Variants in HEATR5B observed in about 807,000 individuals in gnomAD.
HEATR5B encodes HEAT repeat containing 5B.
Under a neutral mutation model 224.1 loss-of-function variants are expected in HEATR5B, and 156 were observed. That is an observed-to-expected ratio of 0.70 (90% CI 0.61 to 0.80). The LOEUF is 0.80. HEATR5B is among the 30% of genes least tolerant of loss of function. HEATR5B has a pLI of 0.00. For missense variants in HEATR5B, 2,323 were observed against 2,535.5 expected (o/e 0.92, Z 1.80); for synonymous variants, 1,027 against 893.0 (o/e 1.15, Z -2.68).
Position 37,064,907 on chromosome 2 carries a change from C to A in HEATR5B, c.1417G>T (p.Ala473Ser). ...LAAAWCLRCV[A>S]VALPFQLTPF... The stretch of plus-strand genomic sequence containing the variant: ...GTCAGCTGGAAAGGTAATGCCACAG[C>A]CACACAGCGCAAACACCATGCAGCA... The change falls in exon 10 of 36, where the codon GCT (alanine) becomes TCT (serine). Residue 473 changes from alanine (A) to serine (S), a missense_variant. Ala to Ser is a moderately conservative substitution (Grantham distance 99, BLOSUM62 1). Around this residue, in one of 12 missense-constraint regions of HEATR5B, gnomAD observed 502 missense variants for 517.8 expected, o/e 0.97. Transcript: ENST00000233099. 6.2e-7 allele frequency: 1 copy of A among 1,614,130 alleles called. No homozygotes were observed. The highest frequency in any genetic ancestry group is 8.5e-7 in the Non-Finnish European group (1 of 1,180,010).
At chr2:37,059,458 ATATATATT>A (rs1558358752) in intron 12 of HEATR5B, among the ~76,000 whole-genome samples, 63 of 106,742 alleles carry the variant, frequency 5.9e-4, no homozygotes, top group African/African-American at 2.2e-3. Flanking sequence ...ATATATATAT[ATATATATT>A]TTTTTTTTTT....
chr2:37,078,091 C>T (rs1329026787), intron 3 of HEATR5B, among the ~76,000 whole-genome samples: 1 of 152,218 alleles, frequency 6.6e-6, no homozygotes, highest in Admixed American at 6.5e-5. Flanking sequence ...CTAGAACCTA[C>T]CATCTAATAG....
chr2:37,053,666 A>G (rs1434824815), intron 16 of HEATR5B, 59 bp from the exon 17 acceptor site: 1 of 980,246 alleles, frequency 1.0e-6, no homozygotes, highest in African/African-American at 1.6e-5. Flanking sequence ...ATATGGCTCA[A>G]AAACGGATAA....
In HEATR5B at chr2:37,077,035, A is replaced by G. The variant is rs767397771; in HGVS notation, c.339-16T>C. 19 of 1,550,850 alleles carry G rather than the reference A, an allele frequency of 1.2e-5. No individual in the cohort carries two copies. The highest frequency in any genetic ancestry group is 1.3e-5 in the Non-Finnish European group (15 of 1,124,202). On this transcript the variant is annotated splice_polypyrimidine_tract_variant and intron_variant, in intron 3 of 35. Transcript: ENST00000233099. ...CACCGCAGCCCTGTAAGAAGTGACA[A>G]CTTCACTAGTCATTGTCCAGGTTAA...
intron 22 of HEATR5B, among the ~76,000 whole-genome samples, chr2:37,029,949 A>AAATAAAT (rs1282691287): frequency 2.1e-5 from 3 of 144,272 alleles, no homozygotes; most frequent in Admixed American, 6.7e-5. Context: ...ATAAATAAAT[A>AAATAAAT]AATAAATAAA....
chr2:37,075,081 T>C (rs1467003920), intron 5 of HEATR5B, among the ~76,000 whole-genome samples: 2 of 152,206 alleles, frequency 1.3e-5, no homozygotes, highest in African/African-American at 2.4e-5. Context: ...GGAAGTGAAA[T>C]GAAAGCATAT....
intron 11 of HEATR5B, among the ~76,000 whole-genome samples, chr2:37,061,042 G>A (rs1403430831): frequency 2.0e-5 from 3 of 152,058 alleles, no homozygotes; most frequent in Non-Finnish European, 4.4e-5. Flanking sequence ...CAACTGTATT[G>A]AGAATGGTGG....
At chr2:37,075,411 A>G in intron 5 of HEATR5B, 74 bp downstream of exon 5, 1 of 1,081,222 alleles carries the variant, frequency 9.2e-7, no homozygotes, top group Non-Finnish European at 1.2e-6. Flanking sequence ...AAAATTTTAA[A>G]AGAAAAAAAA....
Position 37,079,137 on chromosome 2 carries a change from G to A in HEATR5B, c.321C>T (p.Ala107=), listed in dbSNP as rs1441373754. 1 of 1,600,282 alleles carries A rather than the reference G, an allele frequency of 6.2e-7. No individual in the cohort carries two copies. Reference sequence around the variant, plus strand: ...GTACTTACAATTTTGTTGGTAAGTAGGCCGCAGTGTCATCTTTATTTCTGA... The same window carrying A: ...GTACTTACAATTTTGTTGGTAAGTAAGCCGCAGTGTCATCTTTATTTCTGA... ...DIIRNKDDTA[A]YLPTKLAAVA... is the part of the protein sequence containing the mutation. Residue 107 remains alanine (A), a synonymous_variant, in exon 3 of 36, where the codon GCC becomes GCT. Transcript: ENST00000233099.
chr2:37,024,807 T>A (rs180948937), intron 24 of HEATR5B, among the ~76,000 whole-genome samples: 2 of 152,204 alleles, frequency 1.3e-5, no homozygotes, highest in African/African-American at 4.8e-5. Flanking sequence ...TCTAGGTAAT[T>A]GTTTCTGGAA....
chr2:37,013,497 C>A (rs1051642902), intron 27 of HEATR5B, among the ~76,000 whole-genome samples: 1 of 152,154 alleles, frequency 6.6e-6, no homozygotes, highest in African/African-American at 2.4e-5. Context: ...CCAGGCTGGG[C>A]AACAAAGCAA....
intron 34 of HEATR5B, among the ~76,000 whole-genome samples, chr2:36,989,889 A>G (rs1482812416): frequency 1.3e-5 from 2 of 149,372 alleles, no homozygotes; most frequent in African/African-American, 5.0e-5. Flanking sequence ...CTGGAATCCA[A>G]GAATGTTTCC....
At chr2:36,985,308 A>C (rs1665870259) in intron 35 of HEATR5B, among the ~76,000 whole-genome samples, 1 of 152,018 alleles carries the variant, frequency 6.6e-6, no homozygotes. Flanking sequence ...TTTTTATGGC[A>C]TTTAGTCTTA....
intron 26 of HEATR5B, among the ~76,000 whole-genome samples, chr2:37,015,666 A>C (rs1444018693): frequency 6.6e-6 from 1 of 152,226 alleles, no homozygotes; most frequent in Non-Finnish European, 1.5e-5. Flanking sequence ...AAGGAAACTA[A>C]GTAAGTGGAG....
chr2:37,060,163 T>G (rs1289060396), intron 12 of HEATR5B, among the ~76,000 whole-genome samples: 3 of 152,252 alleles, frequency 2.0e-5, no homozygotes, highest in Non-Finnish European at 4.4e-5. Flanking sequence ...TTGATAAGGA[T>G]GTGAAAAAAC....
intron 9 of HEATR5B, among the ~76,000 whole-genome samples, chr2:37,065,408 G>C (rs548058029): frequency 6.6e-6 from 1 of 151,650 alleles, no homozygotes; most frequent in Non-Finnish European, 1.5e-5. Context: ...ATGCCTCCTG[G>C]GCTTAAGCAA....
chr2:37,082,322 C>G (rs944681556), intron 2 of HEATR5B, among the ~76,000 whole-genome samples: 15 of 151,906 alleles, frequency 9.9e-5, no homozygotes, highest in Admixed American at 7.9e-4. Context: ...TCAGGTGATC[C>G]ACCCACCTCA....
intron 35 of HEATR5B, 144 bp from the exon 36 acceptor site, chr2:36,981,938 T>TTAA (rs1665609269): frequency 2.1e-6 from 1 of 467,890 alleles, no homozygotes; most frequent in South Asian, 5.8e-5. Flanking sequence ...TAACTCGTAA[T>TTAA]TAATATTAAA....
chr2:37,038,861 C>T (rs1173323824), intron 20 of HEATR5B, among the ~76,000 whole-genome samples: 1 of 143,044 alleles, frequency 7.0e-6, no homozygotes, highest in Non-Finnish European at 1.5e-5. Flanking sequence ...GATCACGCCA[C>T]TGCACTCCAG....
Sources: gnomAD v4.1 joint callset for allele counts (sites outside exome capture counted in the v4.1 genomes callset) on GRCh38, gnomAD v4.1.1 for gene constraint, gnomAD v4.1.1 regional missense constraint, MANE v1.5 for transcripts, NCBI Gene and HGNC (gene_info 2026-07-23, HGNC 2026-07-21) for gene names.